The following AGBL3 variants were observed in gnomAD, a reference collection of about 807,000 sequenced individuals.
AGBL3 encodes the protein AGBL carboxypeptidase 3, also known as cytosolic carboxypeptidase 3.
Under a neutral mutation model 94.5 loss-of-function variants are expected in AGBL3, and 68 were observed. The ratio of observed to expected loss-of-function variants is 0.72; its 90% CI spans 0.59 to 0.88. The LOEUF is 0.88. Among genes scored for constraint, AGBL3 ranks in the 40% least tolerant of loss-of-function variants. The pLI, the probability that AGBL3 is intolerant of heterozygous loss-of-function variation, is 0.00. For missense variants in AGBL3, 934 were observed against 1,103.8 expected (o/e 0.85, Z 2.18); for synonymous variants, 354 against 370.7 (o/e 0.95, Z 0.52).
At chr7:135,022,034 AT>A (rs1302930842) in intron 5 of AGBL3, among the ~76,000 whole-genome samples, 1 of 152,068 alleles carries the variant, frequency 6.6e-6, no homozygotes, top group Non-Finnish European at 1.5e-5. Context: ...TCCATGGTGT[AT>A]TTGTACCATA....
Position 135,034,849 on chromosome 7 carries a change from C to A in AGBL3, c.1258C>A (p.Arg420=). 1 of 1,551,434 alleles carries A rather than the reference C, an allele frequency of 6.4e-7. No homozygotes were observed. The highest frequency in any genetic ancestry group is 1.2e-5 in the South Asian group (1 of 84,026). The change falls in exon 7 of 17, where the codon CGG becomes AGG. Residue 420 remains arginine (R), a synonymous_variant. Coordinates refer to ENST00000436302, the MANE Select transcript of AGBL3 (RefSeq NM_178563.4). The part of the protein sequence containing the change: ...VGNYRCSLAG[R]DLNRNYTSLL... ...AAATTATCGCTGTTCCTTAGCTGGACGGGATTTAAACCGTAATTATACATC... is the reference window on the plus strand; with the variant it reads ...AAATTATCGCTGTTCCTTAGCTGGAAGGGATTTAAACCGTAATTATACATC...
At chr7:135,038,458 CTG>C (rs2116493696) in intron 8 of AGBL3, among the ~76,000 whole-genome samples, 1 of 152,268 alleles carries the variant, frequency 6.6e-6, no homozygotes, top group East Asian at 1.9e-4. Flanking sequence ...TAAAATAATT[CTG>C]TGTTACTAAG....
intron 15 of AGBL3, among the ~76,000 whole-genome samples, chr7:135,113,234 C>T (rs957562372): frequency 6.6e-6 from 1 of 151,946 alleles, no homozygotes; most frequent in Non-Finnish European, 1.5e-5. Flanking sequence ...TTTTTATTTT[C>T]CTTTTAAGAA....
chr7:135,040,225 T>A (rs1205279185), intron 8 of AGBL3, among the ~76,000 whole-genome samples: 1 of 152,066 alleles, frequency 6.6e-6, no homozygotes, highest in Admixed American at 6.6e-5. Context: ...AATATCAAGA[T>A]CCAGTTGGAT....
rs532283322 is a variant in AGBL3, at chr7:135,017,084, A to T, written c.343A>T (p.Ile115Phe). ...TCCTTCTTGTCCTGAGCCAGTGTAT[A>T]TCCCAACGGGCTTAGAAACGGAACC... ...WTPSCPEPVYIPTGLETEPLY... is the reference protein window; with the variant it reads ...WTPSCPEPVYFPTGLETEPLY... The change falls in exon 5 of 17, where the codon ATC becomes TTC. Residue 115 changes from isoleucine to phenylalanine, a missense_variant. By Grantham distance (21) the Ile-to-Phe change is conservative (BLOSUM62 0). Transcript: ENST00000436302. 4 of 1,550,444 alleles carry T rather than the reference A, an allele frequency of 2.6e-6. No individual in the cohort carries two copies. Among genetic ancestry groups the T allele is most frequent in the Non-Finnish European group, 3.5e-6 (4 of 1,145,708 alleles).
At position 135,034,606 on chromosome 7, in the gene AGBL3, AT is replaced by A. The variant is rs1563202856; in HGVS notation, c.1019del (p.Leu340Ter). On this transcript the variant is annotated frameshift_variant, in exon 7 of 17. Transcript: ENST00000436302. LOFTEE classifies it high-confidence loss of function. ...CHTLARNMVY[I>X]LTITTPLKNS... is the part of the protein sequence containing the mutation. ...CACGCTTGCTAGGAACATGGTGTAT[AT>A]TTTAACAATCACTACCCCCTTGAAG... is the stretch of plus-strand genomic sequence containing the variant. The A allele has an allele frequency of 1.3e-6, 2 of 1,551,716 alleles. No individual in the cohort carries two copies. Among genetic ancestry groups the A allele is most frequent in the Non-Finnish European group, 1.7e-6 (2 of 1,146,974 alleles).
chr7:135,129,324 A>T, intron 16 of AGBL3: 1 of 1,256,018 alleles, frequency 8.0e-7, no homozygotes, highest in Non-Finnish European at 1.2e-6. Context: ...ATGTAAGGTG[A>T]CTGCAGAGAA....
chr7:135,066,186 G>C (rs1819281253), intron 12 of AGBL3, among the ~76,000 whole-genome samples: 1 of 152,094 alleles, frequency 6.6e-6, no homozygotes, highest in African/African-American at 2.4e-5. Flanking sequence ...AGCAGGAAAA[G>C]GCCACCTATG....
At chr7:135,115,351 C>T (rs1477642894) in intron 15 of AGBL3, 29 bp from the exon 16 acceptor site, 1 of 1,385,234 alleles carries the variant, frequency 7.2e-7, no homozygotes, top group Non-Finnish European at 1.0e-6. Context: ...GTTCATATCT[C>T]TGTACATATT....
intron 12 of AGBL3, among the ~76,000 whole-genome samples, chr7:135,067,626 CAG>C (rs1819470786): frequency 6.6e-6 from 1 of 152,204 alleles, no homozygotes; most frequent in African/African-American, 2.4e-5. Flanking sequence ...CCCAGGCAAA[CAG>C]GGTCTGGAGT....
chr7:134,992,420 G>A (rs759047333), intron 3 of AGBL3, among the ~76,000 whole-genome samples: 1 of 152,062 alleles, frequency 6.6e-6, no homozygotes, highest in Non-Finnish European at 1.5e-5. Context: ...TTATATTTCT[G>A]TTTTTTATTT....
chr7:135,013,635 T>C (rs934550233), intron 4 of AGBL3, among the ~76,000 whole-genome samples: 2 of 152,122 alleles, frequency 1.3e-5, no homozygotes, highest in African/African-American at 4.8e-5. Context: ...GATTCCACTG[T>C]ATTTGATTAA....
intron 11 of AGBL3, among the ~76,000 whole-genome samples, chr7:135,056,529 TGAA>T: frequency 6.6e-6 from 1 of 152,008 alleles, no homozygotes. Flanking sequence ...TTTAAAAACC[TGAA>T]ACTAATAATT....
At chr7:135,017,996 TTGAGA>T (rs1456096260) in intron 5 of AGBL3, among the ~76,000 whole-genome samples, 1 of 152,148 alleles carries the variant, frequency 6.6e-6, no homozygotes, top group Non-Finnish European at 1.5e-5. Context: ...ACTAAAATAA[TTGAGA>T]TGAATCAGTC....
rs1014041307 is a variant in AGBL3, at chr7:134,987,906, A to G, written c.-28A>G. The G allele has an allele frequency of 2.8e-5, 43 of 1,528,654 alleles. No homozygotes were observed. Among genetic ancestry groups the G allele is most frequent in the Non-Finnish European group, 3.6e-5 (41 of 1,130,992 alleles). The allele number at this position is 1,528,654 out of a possible 1,614,324, so 94.7% of individuals were successfully genotyped here. A position where few individuals can be genotyped will look rare whatever the true frequency, so the allele number is the denominator to read the frequency against. On this transcript the variant is annotated 5_prime_UTR_variant, in exon 2 of 17. Coordinates refer to ENST00000436302, the MANE Select transcript of AGBL3 (RefSeq NM_178563.4). ...TTTTACAGCCTACCCGTATATTACA[A>G]GAAATCTCAAGTCAAACACTGGAAA...
At chr7:135,096,733 GAGAAAGAATGAAAGAA>G (rs1822891544) in intron 15 of AGBL3, among the ~76,000 whole-genome samples, 2 of 51,244 alleles carry the variant, frequency 3.9e-5, no homozygotes, top group African/African-American at 1.5e-4. Flanking sequence ...AAGAAAGAAA[GAGAAAGAATGAAAGAA>G]AGAAAGAAAG....
chr7:135,013,531 T>C (rs1813408425), intron 4 of AGBL3, among the ~76,000 whole-genome samples: 1 of 152,172 alleles, frequency 6.6e-6, no homozygotes, highest in Non-Finnish European at 1.5e-5. Flanking sequence ...CTAAGATGTT[T>C]AGTGAAGTGG....
intron 5 of AGBL3, among the ~76,000 whole-genome samples, chr7:135,022,019 A>G (rs1272525075): frequency 6.6e-6 from 1 of 152,174 alleles, no homozygotes; most frequent in Non-Finnish European, 1.5e-5. Context: ...GTGGCTGCAT[A>G]GTAGTCCATG....
At chr7:135,128,529 T>C (rs1379634386) in intron 16 of AGBL3, 1 of 764,304 alleles carries the variant, frequency 1.3e-6, no homozygotes, top group East Asian at 2.5e-5. Context: ...AAGCAGTCTG[T>C]CCAAGGTGGA....
Sources: allele counts gnomAD v4.1 joint callset (sites outside exome capture counted in the v4.1 genomes callset), GRCh38; gene constraint gnomAD v4.1.1; transcripts MANE v1.5; gene names NCBI Gene and HGNC (gene_info 2026-07-23, HGNC 2026-07-21).